LTF: variants seen among roughly 807,000 people sequenced by gnomAD.
LTF encodes the protein lactotransferrin, also known as epididymis luminal protein 110.
In LTF, 91 loss-of-function variants were observed where a neutral mutation model predicts 87.2. The ratio of observed to expected loss-of-function variants is 1.04; its 90% CI spans 0.88 to 1.24. The LOEUF is 1.24. Among genes scored for constraint, LTF ranks in the 50% most tolerant of loss-of-function variants. The pLI, the probability that LTF is intolerant of heterozygous loss-of-function variation, is 0.00. For synonymous variants in LTF, 378 were observed against 356.1 expected (o/e 1.06, Z -0.69); for missense variants, 901 against 904.3 (o/e 1.00, Z 0.05).
At chr3:46,468,935 C>G (rs1259417863), upstream of LTF, among the ~76,000 whole-genome samples, 1 of 152,206 alleles carries the variant, frequency 6.6e-6, no homozygotes, top group African/African-American at 2.4e-5. Context: ...TCCACACCCC[C>G]AGAGGGCCAG....
intron 6 of LTF, among the ~76,000 whole-genome samples, chr3:46,453,644 G>A (rs1213276796): frequency 6.6e-6 from 1 of 152,168 alleles, no homozygotes; most frequent in Non-Finnish European, 1.5e-5. Flanking sequence ...TGCATGAAAT[G>A]TAGTGAGCTT....
chr3:46,437,964 T>C lies in LTF; in HGVS notation c.2074A>G (p.Asn692Asp). Reference protein sequence around the residue: ...LGPQYVAGITNLKKCSTSPLL... With the variant: ...LGPQYVAGITDLKKCSTSPLL... ...CGGGAGGTTGAGCACTTTTTCAGAT[T>C]AGTAATGCCTGCGACATACTGTGGT... is the stretch of plus-strand genomic sequence containing the variant. Residue 692 changes from asparagine to aspartate, a missense_variant, in exon 16 of 17, where the codon AAT becomes GAT. Physicochemically the swap from Asn to Asp is conservative, Grantham distance 23. Transcript: ENST00000231751. The C allele has an allele frequency of 6.2e-7, 1 of 1,614,116 alleles. No individual in the cohort carries two copies.
chr3:46,443,639 C>T (rs1267301035), intron 12 of LTF, 57 bp from the exon 13 acceptor site: 7 of 1,582,044 alleles, frequency 4.4e-6, no homozygotes, highest in African/African-American at 1.3e-5. Flanking sequence ...CACAAGCAAC[C>T]TTTACCTAAC....
At chr3:46,439,805 G>A (rs577562774) in intron 14 of LTF, among the ~76,000 whole-genome samples, 192 of 152,276 alleles carry the variant, frequency 1.3e-3, no homozygotes, top group African/African-American at 4.2e-3. Context: ...GGCTGGGCAC[G>A]GTGGCTCATG....
In LTF at chr3:46,445,415, A is replaced by C. The variant is rs1575309643; in HGVS notation, c.1379T>G (p.Val460Gly). 6.2e-7 allele frequency: 1 copy of C among 1,612,646 alleles called. No homozygotes were observed. Among genetic ancestry groups the C allele is most frequent in the Non-Finnish European group, 8.5e-7 (1 of 1,179,378 alleles). Residue 460 changes from valine (V) to glycine (G), a missense_variant, in exon 12 of 17, where the codon GTT becomes GGT. Val to Gly is a moderately radical substitution (Grantham distance 109). Coordinates refer to ENST00000231751, the MANE Select transcript of LTF (RefSeq NM_002343.6). ...PVEGYLAVAV[V>G]RRSDTSLTWN... ...GGTAAGGCTAGTGTCTGATCTCCTA[A>C]CCACCGCCACAGCAAGATATCCTGG...
At chr3:46,450,101 A>G (rs533428096) in intron 7 of LTF, 73 bp from the exon 8 acceptor site, 1 of 1,235,672 alleles carries the variant, frequency 8.1e-7, no homozygotes, top group Admixed American at 2.2e-5. Context: ...GTTAAAAAAG[A>G]GTATCTGGAG....
rs71622508 is a variant in LTF, at chr3:46,441,899, C to CAGAGAG, written c.1656-422_1656-417dup. The CAGAGAG allele has an allele frequency of 1.5e-3, 149 of 101,620 alleles. 3 individuals carry two copies. The highest frequency in any genetic ancestry group is 5.4e-3 in the Middle Eastern group (1 of 184). The allele number at this position is 101,620 out of a possible 1,614,324, so 6.3% of individuals were successfully genotyped here. On this transcript the variant is annotated intron_variant, in intron 13 of 16. Transcript: ENST00000231751. ...TAAATGATGAAACTGTGATAGCACC[C>CAGAGAG]AGAGAGAGAGAGAGAGAGAGAGAGA... is the stretch of plus-strand genomic sequence containing the variant.
intron 13 of LTF, chr3:46,441,691 A>G (rs1187679850): frequency 4.0e-6 from 2 of 505,844 alleles, no homozygotes; most frequent in Non-Finnish European, 7.0e-6. Flanking sequence ...GACATTACAA[A>G]ACCAAGAAAT....
Position 46,439,341 on chromosome 3 carries a change from C to T in LTF, c.1863G>A (p.Arg621=). The T allele has an allele frequency of 6.2e-7, 1 of 1,614,168 alleles. No individual in the cohort carries two copies. Among genetic ancestry groups the T allele is most frequent in the Non-Finnish European group, 8.5e-7 (1 of 1,180,002 alleles). ...AMAPNHAVVS[R]MDKVERLKQV... ...GTTTCAGGCGTTCCACCTTATCCATCCGAGACACCACGGCATGATTCGGGG... is the reference window on the plus strand; with the variant it reads ...GTTTCAGGCGTTCCACCTTATCCATTCGAGACACCACGGCATGATTCGGGG... Residue 621 remains arginine (R), a synonymous_variant, in exon 15 of 17, where the codon CGG becomes CGA. Coordinates refer to ENST00000231751, the MANE Select transcript of LTF (RefSeq NM_002343.6).
At position 46,473,588 on chromosome 3, in the gene LTF, C is replaced by T. The variant is rs116508419; in HGVS notation, c.-319-3122G>A. ...TGTAGGGCTGTTTTCCCTCTGGAGG[C>T]TCCAGGGGGAATCCATTTCCTTATT... On this transcript the variant is annotated intron_variant, in intron 1 of 19. Coordinates refer to the LTF transcript ENST00000443496. Among the ~76,000 whole-genome samples, 1,366 of 152,332 alleles carry T rather than the reference C, an allele frequency of 9.0e-3. 10 individuals carry two copies. The highest frequency in any genetic ancestry group is 0.035 in the South Asian group (169 of 4,828).
chr3:46,484,497 T>C (rs2106934590), intron 1 of LTF, among the ~76,000 whole-genome samples: 1 of 152,194 alleles, frequency 6.6e-6, no homozygotes, highest in South Asian at 2.1e-4. Context: ...GGCTGTGCTG[T>C]CCTCACAACA....
chr3:46,454,566 C>T (rs1251004408), intron 5 of LTF, among the ~76,000 whole-genome samples: 1 of 152,242 alleles, frequency 6.6e-6, no homozygotes, highest in African/African-American at 2.4e-5. Context: ...CAGAGGCCCC[C>T]ATCTTCTGCT....
chr3:46,482,659 A>AGAAGGAAGGAAGGAAG (rs1206921702), intron 1 of LTF, among the ~76,000 whole-genome samples: 2 of 60,268 alleles, frequency 3.3e-5, no homozygotes, highest in Non-Finnish European at 6.5e-5. Context: ...AAAGAAAGAA[A>AGAAGGAAGGAAGGAAG]GAAGGAAGGA....
chr3:46,452,113 C>T (rs1331772860), intron 6 of LTF, among the ~76,000 whole-genome samples: 1 of 152,090 alleles, frequency 6.6e-6, no homozygotes, highest in South Asian at 2.1e-4. Flanking sequence ...AAGATGATAT[C>T]GTCATCTACA....
chr3:46,455,970 T>A lies in LTF; in HGVS notation c.325A>T (p.Thr109Ser), dbSNP rs1702919727. The A allele has an allele frequency of 6.3e-7, 1 of 1,581,524 alleles. No homozygotes were observed. The highest frequency in any genetic ancestry group is 8.6e-7 in the Non-Finnish European group (1 of 1,165,160). The part of the protein sequence containing the change: ...EVYGTERQPR[T>S]HYYAVAVVKK... ...ACCACAGCCACGGCATAATAGTGAG[T>A]TCGTGGCTCTGCAAAGGGGCAGACA... The change falls in exon 4 of 17, where the codon ACT (threonine) becomes TCT (serine). Residue 109 changes from threonine to serine, a missense_variant. Transcript: ENST00000231751.
intron 2 of LTF, among the ~76,000 whole-genome samples, chr3:46,470,120 C>A (rs2106916272): frequency 6.6e-6 from 1 of 152,328 alleles, no homozygotes; most frequent in African/African-American, 2.4e-5. Context: ...CCAGTCCCAC[C>A]CCACTTCTGA....
intron 1 of LTF, 92 bp downstream of exon 1, chr3:46,464,733 C>T: frequency 6.8e-7 from 1 of 1,459,948 alleles, no homozygotes; most frequent in Non-Finnish European, 9.5e-7. Flanking sequence ...ACCCCGCGCC[C>T]AGCCAACCGG....
At chr3:46,436,291 A>T (rs1702385434) in intron 16 of LTF, 62 bp from the exon 17 acceptor site, 1 of 1,430,586 alleles carries the variant, frequency 7.0e-7, no homozygotes, top group South Asian at 1.1e-5. Context: ...CCAGTTATTT[A>T]ATCCAATAAA....
intron 9 of LTF, among the ~76,000 whole-genome samples, chr3:46,447,653 C>A (rs942245226): frequency 6.6e-6 from 1 of 152,218 alleles, no homozygotes; most frequent in Non-Finnish European, 1.5e-5. Context: ...GTCCTCTGAG[C>A]AAAACCTTTT....
Sources: allele counts gnomAD v4.1 joint callset (sites outside exome capture counted in the v4.1 genomes callset), GRCh38; gene constraint gnomAD v4.1.1; transcripts MANE v1.5; gene names NCBI Gene and HGNC (gene_info 2026-07-23, HGNC 2026-07-21).